The following MARCHF1 variants were observed in gnomAD, a reference collection of about 807,000 sequenced individuals.
MARCHF1 encodes membrane associated ring-CH-type finger 1.
A neutral mutation model predicts 54.2 loss-of-function variants in MARCHF1; 40 were observed. That is an observed-to-expected ratio of 0.74 (90% CI 0.57 to 0.96). The LOEUF is 0.96. MARCHF1 is among the 40% of genes least tolerant of loss of function. The pLI is 0.00. For synonymous variants in MARCHF1, 236 were observed against 236.3 expected, an observed-to-expected ratio of 1.00 and a Z score of 0.01; for missense variants, 586 against 656.5, an observed-to-expected ratio of 0.89 and a Z score of 1.17.
chr4:163,836,764 A>T (rs571654787), intron 4 of MARCHF1, among the ~76,000 whole-genome samples: 1 of 119,850 alleles, frequency 8.3e-6, no homozygotes, highest in East Asian at 2.6e-4. Context: ...CAAGTGCGCC[A>T]TTGGCAGCAA....
At chr4:163,913,609 T>C (rs982457648) in intron 3 of MARCHF1, among the ~76,000 whole-genome samples, 1 of 152,184 alleles carries the variant, frequency 6.6e-6, no homozygotes. Context: ...TATTTAAGCC[T>C]GTGTAACTTG....
At chr4:164,203,022 G>A (rs1016226349) in intron 1 of MARCHF1, among the ~76,000 whole-genome samples, 1 of 151,640 alleles carries the variant, frequency 6.6e-6, no homozygotes, top group East Asian at 2.0e-4. Context: ...AGAAATAACA[G>A]AGTAGATTGA....
chr4:163,902,323 C>T (rs1392047379), intron 3 of MARCHF1, among the ~76,000 whole-genome samples: 1 of 152,114 alleles, frequency 6.6e-6, no homozygotes, highest in Non-Finnish European at 1.5e-5. Flanking sequence ...AATACACATC[C>T]TTTCTAGTGA....
At chr4:163,936,549 G>A (rs1482715206) in intron 3 of MARCHF1, among the ~76,000 whole-genome samples, 4 of 152,186 alleles carry the variant, frequency 2.6e-5, no homozygotes, top group Admixed American at 6.5e-5. Context: ...CTCTGAGGAT[G>A]GTGTGATGCT....
intron 5 of MARCHF1, among the ~76,000 whole-genome samples, chr4:163,662,322 T>C (rs1035515790): frequency 1.1e-4 from 17 of 152,038 alleles, no homozygotes; most frequent in African/African-American, 3.9e-4. Flanking sequence ...TATTGTTTTC[T>C]TTGTTCTCTC....
chr4:163,916,844 G>A (rs1203641978), intron 3 of MARCHF1, among the ~76,000 whole-genome samples: 9 of 151,998 alleles, frequency 5.9e-5, no homozygotes, highest in Admixed American at 5.9e-4. Flanking sequence ...AACAAACACT[G>A]ACACATCATT....
intron 3 of MARCHF1, among the ~76,000 whole-genome samples, chr4:163,886,171 ATATC>A (rs1560803419): frequency 6.7e-6 from 1 of 150,172 alleles, no homozygotes; most frequent in Non-Finnish European, 1.5e-5. Context: ...ATAGATCTAT[ATATC>A]TATAGATATG....
At chr4:164,074,449 G>A (rs1579512333) in intron 2 of MARCHF1, among the ~76,000 whole-genome samples, 1 of 152,114 alleles carries the variant, frequency 6.6e-6, no homozygotes, top group Non-Finnish European at 1.5e-5. Flanking sequence ...GGGAATAAAT[G>A]TTCATTGATT....
At chr4:164,011,723 A>C (rs1185256629) in intron 2 of MARCHF1, among the ~76,000 whole-genome samples, 1 of 152,220 alleles carries the variant, frequency 6.6e-6, no homozygotes, top group Non-Finnish European at 1.5e-5. Flanking sequence ...AGGTTCCCCC[A>C]AAAAACTAAG....
intron 2 of MARCHF1, among the ~76,000 whole-genome samples, chr4:164,039,423 G>A (rs930045507): frequency 7.2e-5 from 11 of 152,122 alleles, no homozygotes; most frequent in African/African-American, 2.7e-4. Context: ...AAAATTAAGT[G>A]AAAAGTGCAG....
chr4:164,350,920 C>A (rs1012378347), intron 1 of MARCHF1, among the ~76,000 whole-genome samples: 4 of 151,988 alleles, frequency 2.6e-5, no homozygotes, highest in African/African-American at 7.2e-5. Context: ...CGGGCGCGAG[C>A]CGAAGCAGGG....
In MARCHF1 at chr4:163,545,588, G is replaced by A. The variant is rs749680101; in HGVS notation, c.1339+8C>T. The A allele has an allele frequency of 1.9e-6, 3 of 1,611,810 alleles. No individual in the cohort carries two copies. Among genetic ancestry groups the A allele is most frequent in the Non-Finnish European group, 2.5e-6 (3 of 1,178,854 alleles). On this transcript the variant is annotated splice_region_variant and intron_variant, in intron 9 of 9. Coordinates refer to ENST00000514618, the MANE Select transcript of MARCHF1 (RefSeq NM_001394959.1). Reference sequence around the variant, plus strand: ...TCCAAGAGGGTAAGAAGAAAGATGTGCTCTTACCATTGTCATTGCCTTGCT... The same window carrying A: ...TCCAAGAGGGTAAGAAGAAAGATGTACTCTTACCATTGTCATTGCCTTGCT...
At chr4:163,839,444 G>A (rs141803165) in intron 4 of MARCHF1, among the ~76,000 whole-genome samples, 38 of 152,034 alleles carry the variant, frequency 2.5e-4, no homozygotes, top group South Asian at 1.5e-3. Flanking sequence ...ATTCAGAATC[G>A]CCAAGAAGTG....
At chr4:163,714,414 C>T (rs1421204440) in intron 4 of MARCHF1, among the ~76,000 whole-genome samples, 1 of 152,226 alleles carries the variant, frequency 6.6e-6, no homozygotes, top group South Asian at 2.1e-4. Flanking sequence ...AAATAGCTTA[C>T]TGCTAATGAA....
At chr4:164,188,981 C>A (rs968021568) in intron 1 of MARCHF1, 27 of 717,152 alleles carry the variant, frequency 3.8e-5, no homozygotes, top group Non-Finnish European at 5.4e-5. Context: ...CATTAACGAG[C>A]CTATGGCAGC....
rs1269433160 is a variant in MARCHF1, at chr4:163,951,035, C to T, written c.-39+37466G>A. On this transcript the variant is annotated intron_variant, in intron 3 of 9. Transcript: ENST00000514618. The stretch of plus-strand genomic sequence containing the variant: ...CATGTAAACTGAACAGAGTATCTAC[C>T]AAAAAATGAGAGCACACAAAAATAT... 3.9e-5 allele frequency among the ~76,000 whole-genome samples: 6 copies of T among 151,956 alleles called. No individual in the cohort carries two copies. In the East Asian group the frequency reaches 1.2e-3, roughly 29 times the overall value.
chr4:164,160,163 A>G (rs1472171857), intron 1 of MARCHF1, among the ~76,000 whole-genome samples: 1 of 152,198 alleles, frequency 6.6e-6, no homozygotes, highest in Non-Finnish European at 1.5e-5. Flanking sequence ...TTAGAAATAC[A>G]GTCATGTGTC....
chr4:163,919,915 T>C (rs1751386593), intron 3 of MARCHF1, among the ~76,000 whole-genome samples: 1 of 152,144 alleles, frequency 6.6e-6, no homozygotes, highest in Non-Finnish European at 1.5e-5. Flanking sequence ...TATTCATAAA[T>C]AAAAAGAATA....
intron 1 of MARCHF1, among the ~76,000 whole-genome samples, chr4:164,156,347 C>G (rs1730076776): frequency 6.6e-6 from 1 of 152,120 alleles, no homozygotes; most frequent in African/African-American, 2.4e-5. Flanking sequence ...AAAATTAACT[C>G]TGACTTCAGT....
Sources: gnomAD v4.1 joint callset for allele counts (sites outside exome capture counted in the v4.1 genomes callset) on GRCh38, gnomAD v4.1.1 for gene constraint, MANE v1.5 for transcripts, NCBI Gene and HGNC (gene_info 2026-07-23, HGNC 2026-07-21) for gene names.